ANK2: variants seen among roughly 807,000 people sequenced by gnomAD.
The protein encoded by ANK2 is ankyrin 2, also known as ankyrin-2.
Under a neutral mutation model 360.5 loss-of-function variants are expected in ANK2, and 83 were observed. The observed-to-expected ratio is 0.23, with a 90% CI of 0.19 to 0.28. The LOEUF is 0.28. Among genes scored for constraint, ANK2 ranks in the 10% least tolerant of loss-of-function variants. The probability of loss-of-function intolerance (pLI) is 1.00; values close to 1 mark genes in which losing one functional copy is unlikely to be tolerated. For synonymous variants in ANK2, 1,740 were observed against 1,759.5 expected (o/e 0.99, Z 0.28); for missense variants, 4,201 against 4,795.7 (o/e 0.88, Z 3.66).
chr4:113,022,812 T>A (rs944267511), intron 2 of ANK2, among the ~76,000 whole-genome samples: 7 of 152,210 alleles, frequency 4.6e-5, no homozygotes, highest in African/African-American at 1.4e-4. Flanking sequence ...ATCATCCTGA[T>A]GGAAGCAATG....
chr4:113,256,353 C>T (rs2049317490), intron 11 of ANK2, among the ~76,000 whole-genome samples: 1 of 152,098 alleles, frequency 6.6e-6, no homozygotes, highest in Admixed American at 6.5e-5. Flanking sequence ...ATATATTTGA[C>T]TATGTAAGGG....
intron 1 of ANK2, among the ~76,000 whole-genome samples, chr4:112,844,068 T>C (rs1037877536): frequency 1.3e-5 from 2 of 152,186 alleles, no homozygotes; most frequent in Non-Finnish European, 2.9e-5. Flanking sequence ...TTTTTCAAGA[T>C]GTGTGGAAAA....
At chr4:112,956,782 G>C (rs1035548058) in intron 2 of ANK2, among the ~76,000 whole-genome samples, 7 of 152,118 alleles carry the variant, frequency 4.6e-5, no homozygotes, top group Admixed American at 2.0e-4. Context: ...TAAAAGATTC[G>C]TTAGAAATGA....
chr4:113,107,463 C>G (rs2093771417), intron 1 of ANK2, among the ~76,000 whole-genome samples: 1 of 152,138 alleles, frequency 6.6e-6, no homozygotes, highest in African/African-American at 2.4e-5. Flanking sequence ...GTGATCTACC[C>G]ACTTTGGCCT....
chr4:112,862,118 A>G (rs1463320094), intron 1 of ANK2, among the ~76,000 whole-genome samples: 1 of 152,188 alleles, frequency 6.6e-6, no homozygotes, highest in Non-Finnish European at 1.5e-5. Context: ...AAAGGGAAAT[A>G]AAGGATGTTA....
intron 2 of ANK2, among the ~76,000 whole-genome samples, chr4:113,023,377 C>G (rs1030149491): frequency 2.0e-5 from 3 of 152,348 alleles, no homozygotes; most frequent in South Asian, 4.1e-4. Context: ...GTGTCCACCT[C>G]CCACCCTCCA....
chr4:113,020,101 A>C, intron 2 of ANK2, among the ~76,000 whole-genome samples: 1 of 152,196 alleles, frequency 6.6e-6, no homozygotes, highest in East Asian at 1.9e-4. Flanking sequence ...AAATATTTCT[A>C]ATTTTCACTA....
chr4:112,735,664 A>G, the ANK2 span, among the ~76,000 whole-genome samples: 1 of 152,328 alleles, frequency 6.6e-6, no homozygotes, highest in East Asian at 1.9e-4. Context: ...TGGGGTATGT[A>G]TATTCTATTT....
At chr4:113,311,467 A>G in intron 24 of ANK2, 68 bp downstream of exon 24, 1 of 1,571,018 alleles carries the variant, frequency 6.4e-7, no homozygotes, top group Non-Finnish European at 8.7e-7. Flanking sequence ...TGATGATGAT[A>G]AAAATGTAGA....
chr4:112,744,299 T>C, the ANK2 span, among the ~76,000 whole-genome samples: 1 of 152,036 alleles, frequency 6.6e-6, no homozygotes, highest in Non-Finnish European at 1.5e-5. Flanking sequence ...CTGGGAGATT[T>C]CCATTGTTTC....
chr4:113,301,488 G>A (rs1026540294), intron 22 of ANK2, among the ~76,000 whole-genome samples: 1 of 151,416 alleles, frequency 6.6e-6, no homozygotes, highest in Non-Finnish European at 1.5e-5. Flanking sequence ...TGTGATGAGC[G>A]CACTTAAAAT....
At chr4:113,094,558 G>C (rs2090151833) in intron 1 of ANK2, among the ~76,000 whole-genome samples, 1 of 152,048 alleles carries the variant, frequency 6.6e-6, no homozygotes, top group Non-Finnish European at 1.5e-5. Context: ...GTGTGCGCGT[G>C]TGTGTATAAA....
intron 37 of ANK2, 21 bp downstream of exon 37, chr4:113,350,270 G>T: frequency 6.3e-7 from 1 of 1,595,496 alleles, no homozygotes. Flanking sequence ...AAAGAAAATT[G>T]AGTTTGTTTG....
At chr4:112,904,670 A>G (rs1228540110) in intron 2 of ANK2, among the ~76,000 whole-genome samples, 1 of 152,162 alleles carries the variant, frequency 6.6e-6, no homozygotes, top group Non-Finnish European at 1.5e-5. Context: ...AAGAAATGTA[A>G]TATACTATAA....
chr4:112,777,910 G>T, the ANK2 span, among the ~76,000 whole-genome samples: 1 of 144,728 alleles, frequency 6.9e-6, no homozygotes, highest in Non-Finnish European at 1.5e-5. Context: ...GAGCCACCGC[G>T]CCCGGCTCAT....
intron 1 of ANK2, among the ~76,000 whole-genome samples, chr4:112,884,104 G>C (rs535081988): frequency 1.0e-3 from 154 of 152,164 alleles, no homozygotes; most frequent in African/African-American, 3.3e-3. Context: ...GTAATTATGA[G>C]AAACTTGAGA....
chr4:112,896,943 A>AT (rs35117513), intron 1 of ANK2, among the ~76,000 whole-genome samples: 13,900 of 152,202 alleles, frequency 0.091, 1,217 homozygotes, highest in East Asian at 0.31. Context: ...AGATACGCCA[A>AT]TAAAGTGAAG....
chr4:113,363,343 G>A lies in ANK2; in HGVS notation c.10762G>A (p.Ala3588Thr). The A allele has an allele frequency of 6.2e-7, 1 of 1,612,980 alleles. No individual in the cohort carries two copies. The highest frequency in any genetic ancestry group is 8.5e-7 in the Non-Finnish European group (1 of 1,179,432). The change falls in exon 40 of 46, where the codon GCA becomes ACA. Residue 3588 changes from alanine to threonine, a missense_variant. Ala to Thr is a moderately conservative substitution (Grantham distance 58). Coordinates refer to ENST00000357077, the MANE Select transcript of ANK2 (RefSeq NM_001148.6). ...DHLGFSWTEL[A>T]RELDFTEEQI... ...AGTAGTATTTTATCTTCTAGAATTA[G>A]CAAGAGAACTGGATTTCACTGAGGA...
chr4:112,958,467 G>A lies in ANK2; in HGVS notation c.21+53953G>A, dbSNP rs1248881164. 2.0e-5 allele frequency among the ~76,000 whole-genome samples: 3 copies of A among 152,170 alleles called. No individual in the cohort carries two copies. The East Asian group carries it at 5.8e-4, about 29-fold the overall frequency. On this transcript the variant is annotated intron_variant, in intron 2 of 30. Coordinates refer to the ANK2 transcript ENST00000503271. Reference sequence around the variant, plus strand: ...AAAACAGCCAGGCGTGGCGGCGTGCGCCTGCAATCGCAGGCACTCGGCAGG... The same window carrying A: ...AAAACAGCCAGGCGTGGCGGCGTGCACCTGCAATCGCAGGCACTCGGCAGG...
Sources: gnomAD v4.1 joint callset for allele counts (sites outside exome capture counted in the v4.1 genomes callset) on GRCh38, gnomAD v4.1.1 for gene constraint, MANE v1.5 for transcripts, NCBI Gene and HGNC (gene_info 2026-07-23, HGNC 2026-07-21) for gene names.